Variants in HEATR4 observed in about 807,000 individuals in gnomAD.
The protein encoded by HEATR4 is HEAT repeat-containing protein 4.
A neutral mutation model predicts 108.8 loss-of-function variants in HEATR4; 95 were observed. The observed-to-expected ratio is 0.87, with a 90% CI of 0.74 to 1.04. The LOEUF (loss-of-function observed/expected upper bound fraction) is 1.04. Ranked by LOEUF, HEATR4 falls within the 50% of genes least tolerant of loss-of-function variation. HEATR4 has a pLI of 0.00. For missense variants in HEATR4, 1,152 were observed against 1,253.8 expected (o/e 0.92, Z 1.23); for synonymous variants, 443 against 459.4 (o/e 0.96, Z 0.46).
At chr14:73,501,263 C>T (rs1886438708) in intron 11 of HEATR4, among the ~76,000 whole-genome samples, 1 of 152,048 alleles carries the variant, frequency 6.6e-6, no homozygotes, top group Admixed American at 6.6e-5. Context: ...GGACTATAGG[C>T]GCCCACCACC....
rs993317882 is a variant in HEATR4 at position 73,478,688 on chromosome 14, A to G, written c.2999T>C (p.Leu1000Pro). 1 of 1,613,800 alleles carries G rather than the reference A, an allele frequency of 6.2e-7. No homozygotes were observed. Among genetic ancestry groups the G allele is most frequent in the Non-Finnish European group, 8.5e-7 (1 of 1,179,902 alleles). The change falls in exon 18 of 18, where the codon CTT becomes CCT. Residue 1000 changes from leucine to proline, a missense_variant. Physicochemically the swap from Leu to Pro is moderately conservative, Grantham distance 98. Transcript: ENST00000553558. ...VGPFRSDYPALYLGKFSERTF... is the reference protein window; with the variant it reads ...VGPFRSDYPAPYLGKFSERTF... Reference sequence around the variant, plus strand: ...TCTCTCTGAGAATTTACCCAGATAAAGAGCTGGGTAGTCGGATCTAAATGG... The same window carrying G: ...TCTCTCTGAGAATTTACCCAGATAAGGAGCTGGGTAGTCGGATCTAAATGG...
At chr14:73,601,126 G>C in the HEATR4 span, among the ~76,000 whole-genome samples, 1 of 152,056 alleles carries the variant, frequency 6.6e-6, no homozygotes, top group Admixed American at 6.6e-5. Flanking sequence ...GGATGACAGA[G>C]TGAGACTCTG....
intron 9 of HEATR4, 146 bp downstream of exon 9, chr14:73,507,988 C>G (rs1886958738): frequency 1.4e-6 from 1 of 704,612 alleles, no homozygotes; most frequent in Admixed American, 2.5e-5. Flanking sequence ...TCAAGTGATC[C>G]ACCTGCCTCG....
At chr14:73,612,583 G>C in the HEATR4 span, 3 of 1,405,138 alleles carry the variant, frequency 2.1e-6, no homozygotes, top group Non-Finnish European at 2.8e-6. Flanking sequence ...TGGCAGCGAC[G>C]CTGATCCTGG....
chr14:73,609,792 C>G, the HEATR4 span, among the ~76,000 whole-genome samples: 1 of 151,888 alleles, frequency 6.6e-6, no homozygotes, highest in Non-Finnish European at 1.5e-5. Context: ...AGGCACGCAC[C>G]ACCATGCCTG....
At chr14:73,593,698 C>T in the HEATR4 span, 1 of 1,599,896 alleles carries the variant, frequency 6.3e-7, no homozygotes, top group Non-Finnish European at 8.5e-7. Context: ...ATTTTGTTCT[C>T]TAGGACCTGG....
At chr14:73,511,093 A>G (rs1368812222) in intron 7 of HEATR4, among the ~76,000 whole-genome samples, 2 of 152,334 alleles carry the variant, frequency 1.3e-5, no homozygotes, top group East Asian at 1.9e-4. Flanking sequence ...CAAATTCTCA[A>G]GTAGGAAGGG....
intron 17 of HEATR4, among the ~76,000 whole-genome samples, chr14:73,480,096 T>C (rs1885188009): frequency 6.6e-6 from 1 of 152,254 alleles, no homozygotes; most frequent in South Asian, 2.1e-4. Flanking sequence ...GCGTTATTAC[T>C]AGTTAAGTAA....
At chr14:73,525,117 C>T (rs780098929) in intron 2 of HEATR4, among the ~76,000 whole-genome samples, 45 of 152,144 alleles carry the variant, frequency 3.0e-4, no homozygotes, top group Non-Finnish European at 4.7e-4. Context: ...GCAGCCTCAA[C>T]CTCCTGGGCC....
the HEATR4 span, chr14:73,582,849 G>T: frequency 6.6e-6 from 1 of 152,018 alleles, no homozygotes; most frequent in Non-Finnish European, 1.5e-5. Context: ...CTCTCTCACG[G>T]TATACAGTCC....
At chr14:73,560,502 A>AC (rs888039866), upstream of HEATR4, among the ~76,000 whole-genome samples, 5 of 151,804 alleles carry the variant, frequency 3.3e-5, no homozygotes, top group Non-Finnish European at 4.4e-5. Flanking sequence ...CTCTACTAAA[A>AC]ATACAAAAAA....
At chr14:73,560,085 G>A (rs1337501485), upstream of HEATR4, among the ~76,000 whole-genome samples, 1 of 152,028 alleles carries the variant, frequency 6.6e-6, no homozygotes, top group African/African-American at 2.4e-5. Context: ...AATTTCACAC[G>A]TACAGAAATT....
chr14:73,508,163 T>A lies in HEATR4; in HGVS notation c.1852A>T (p.Ile618Phe). The A allele has an allele frequency of 1.2e-6, 2 of 1,614,146 alleles. No individual in the cohort carries two copies. The highest frequency in any genetic ancestry group is 1.7e-6 in the Non-Finnish European group (2 of 1,179,966). ...KNEDTEEQSY[I>F]LLSYLSEKTT... ...TTCTCACTCAGATAGCTCAGGAGGATATAAGACTGTTCCTCAGTGTCCTCA... is the reference window on the plus strand; with the variant it reads ...TTCTCACTCAGATAGCTCAGGAGGAAATAAGACTGTTCCTCAGTGTCCTCA... The change falls in exon 9 of 18, where the codon ATC becomes TTC. Residue 618 changes from isoleucine (I) to phenylalanine (F), a missense_variant. By Grantham distance (21) the Ile-to-Phe change is conservative. Coordinates refer to ENST00000553558, the MANE Select transcript of HEATR4 (RefSeq NM_001220484.1).
chr14:73,518,327 C>G (rs1487369877), intron 5 of HEATR4, among the ~76,000 whole-genome samples: 1 of 151,068 alleles, frequency 6.6e-6, no homozygotes, highest in Non-Finnish European at 1.5e-5. Flanking sequence ...TTGCTTGAAC[C>G]AGGAAGATGG....
intron 17 of HEATR4, among the ~76,000 whole-genome samples, chr14:73,486,799 A>G (rs1295163291): frequency 6.6e-6 from 1 of 152,232 alleles, no homozygotes; most frequent in Non-Finnish European, 1.5e-5. Context: ...ACAATGACTA[A>G]TTCAAGAATA....
chr14:73,627,861 A>G, the HEATR4 span, among the ~76,000 whole-genome samples: 3 of 151,458 alleles, frequency 2.0e-5, no homozygotes, highest in Non-Finnish European at 4.4e-5. Flanking sequence ...TCTGTTGCCT[A>G]GGCTGGAGGG....
the HEATR4 span, among the ~76,000 whole-genome samples, chr14:73,572,409 G>T: frequency 6.8e-6 from 1 of 146,432 alleles, no homozygotes; most frequent in South Asian, 2.1e-4. Context: ...CAAACCCTAG[G>T]AGAACACATT....
At chr14:73,592,271 G>A in the HEATR4 span, 2 of 1,612,862 alleles carry the variant, frequency 1.2e-6, no homozygotes, top group Non-Finnish European at 1.7e-6. Context: ...CTTTTGTCGT[G>A]GAGTTGGAGG....
chr14:73,584,131 AAG>A, the HEATR4 span, among the ~76,000 whole-genome samples: 2,336 of 151,978 alleles, frequency 0.015, 32 homozygotes, highest in Admixed American at 0.027. Context: ...CCGAAAGGTA[AAG>A]AGAGCACAGA....
Sources: allele counts gnomAD v4.1 joint callset (sites outside exome capture counted in the v4.1 genomes callset), GRCh38; gene constraint gnomAD v4.1.1; transcripts MANE v1.5; gene names NCBI Gene and HGNC (gene_info 2026-07-23, HGNC 2026-07-21).